Variants in AMELX observed in about 807,000 individuals in gnomAD.
AMELX encodes the protein amelogenin, X isoform.
Under a neutral mutation model 15.8 loss-of-function variants are expected in AMELX, and 9 were observed. That is an observed-to-expected ratio of 0.57 (90% CI 0.34 to 0.99). The LOEUF is 0.99. Ranked by LOEUF, AMELX falls within the 50% of genes least tolerant of loss-of-function variation. The pLI, the probability that AMELX is intolerant of heterozygous loss-of-function variation, is 0.02. For synonymous variants in AMELX, 61 were observed against 58.8 expected (o/e 1.04, Z -0.17); for missense variants, 107 against 156.2 (o/e 0.68, Z 1.68).
At chrX:11,304,126 G>C (rs937536155), downstream of AMELX, among the ~76,000 whole-genome samples, 3 of 109,566 alleles carry the variant, frequency 2.7e-5, no homozygotes, top group Non-Finnish European at 3.8e-5. Flanking sequence ...GTCTTGCTCT[G>C]TCACCCAGGC....
Position 11,298,242 on chromosome X carries a change from AC to A in AMELX, c.113del (p.Pro38LeufsTer2), listed in dbSNP as rs387906487. 14 of 1,211,248 alleles carry A rather than the reference AC, an allele frequency of 1.2e-5. No homozygotes were observed. Among genetic ancestry groups the A allele is most frequent in the Non-Finnish European group, 1.6e-5 (14 of 895,183 alleles). The stretch of plus-strand genomic sequence containing the variant: ...AATATCTTTTTCTCTTAAGGTGCTT[AC>A]CCCTTTGAAGTGGTACCAGAGCATA... ...GYINFSYEVLTPLKWYQSIRP... is the reference protein window; with the variant it reads ...GYINFSYEVLXPLKWYQSIRP... On this transcript the variant is annotated frameshift_variant, in exon 4 of 6. Coordinates refer to ENST00000380714, the MANE Select transcript of AMELX (RefSeq NM_001142.2). LOFTEE classifies it high-confidence loss of function.
the AMELX span, among the ~76,000 whole-genome samples, chrX:11,308,556 T>C: frequency 9.0e-6 from 1 of 111,539 alleles, no homozygotes; most frequent in African/African-American, 3.3e-5. Flanking sequence ...TTCATCATAC[T>C]AAGGAAAAGG....
At chrX:11,296,131 T>C (rs1418804754) in intron 2 of AMELX, among the ~76,000 whole-genome samples, 2 of 112,773 alleles carry the variant, frequency 1.8e-5, no homozygotes, top group Non-Finnish European at 3.7e-5. Context: ...GGATTTATAA[T>C]GTTTCCACTT....
At chrX:11,302,046 T>C (rs1391137152), downstream of AMELX, among the ~76,000 whole-genome samples, 1 of 112,443 alleles carries the variant, frequency 8.9e-6, no homozygotes, top group Non-Finnish European at 1.9e-5. Flanking sequence ...ATACATTAAC[T>C]GGTAATTATA....
the AMELX span, among the ~76,000 whole-genome samples, chrX:11,307,673 T>A: frequency 8.9e-6 from 1 of 112,637 alleles, no homozygotes; most frequent in Admixed American, 9.4e-5. Flanking sequence ...GAGACAATTC[T>A]CAATTTTTAA....
chrX:11,300,803 T>C, downstream of AMELX: 1 of 426,824 alleles, frequency 2.3e-6, no homozygotes, highest in Non-Finnish European at 4.2e-6. Context: ...TTTCCTATCA[T>C]TTGAGATGAT....
downstream of AMELX, among the ~76,000 whole-genome samples, chrX:11,301,131 A>G (rs1289810427): frequency 1.8e-5 from 2 of 111,808 alleles, no homozygotes; most frequent in Non-Finnish European, 3.8e-5. Flanking sequence ...CACTGGCTTT[A>G]CACTTCACAC....
rs756431625 is a variant in AMELX, at chrX:11,294,862, C to T, written c.54+20C>T. The T allele has an allele frequency of 2.2e-5, 26 of 1,208,608 alleles. No homozygotes were observed. In the South Asian group the frequency reaches 3.9e-4, roughly 18 times the overall value. ...ATGCCTGTGAGTAAAACACCCCTTG[C>T]ATAAGTCAGTGTCCAATTTCACAAA... is the stretch of plus-strand genomic sequence containing the variant. On this transcript the variant is annotated intron_variant, in intron 2 of 5. Transcript: ENST00000380714.
chrX:11,294,197 A>G, intron 1 of AMELX, among the ~76,000 whole-genome samples: 1 of 112,488 alleles, frequency 8.9e-6, no homozygotes, highest in Non-Finnish European at 1.9e-5. Context: ...TTGCTCCACA[A>G]TCTGGAGCTC....
At position 11,298,277 on chromosome X, in the gene AMELX, G is replaced by A. The variant is rs149068672; in HGVS notation, c.144G>A (p.Pro48=). 6.6e-6 allele frequency: 8 copies of A among 1,207,875 alleles called. No homozygotes were observed. The African/African-American group carries it at 8.8e-5, about 13-fold the overall frequency. The change falls in exon 4 of 6, where the codon CCG becomes CCA. Residue 48 remains proline (P), a splice_region_variant and synonymous_variant. Transcript: ENST00000380714. ...PLKWYQSIRP[P]YPSYGYEPMG... ...AGTGGTACCAGAGCATAAGGCCACC[G>A]GTATGTAGACATTTTGTTCCTTATT...
At chrX:11,294,935 C>A in intron 2 of AMELX, 93 bp downstream of exon 2, 1 of 956,244 alleles carries the variant, frequency 1.0e-6, no homozygotes, top group Non-Finnish European at 1.5e-6. Context: ...GGGTTTAAAA[C>A]AGTATGAGAT....
downstream of AMELX, among the ~76,000 whole-genome samples, chrX:11,301,529 C>G (rs2048175243): frequency 9.0e-6 from 1 of 111,723 alleles, no homozygotes; most frequent in Admixed American, 9.5e-5. Context: ...ATTCCAGTAC[C>G]TTTATGATTA....
intron 4 of AMELX, 50 bp from the exon 5 acceptor site, chrX:11,298,498 G>A: frequency 2.5e-6 from 3 of 1,203,150 alleles, no homozygotes; most frequent in Non-Finnish European, 3.4e-6. Flanking sequence ...TGCTTCTCTG[G>A]TTGGAGTCAC....
chrX:11,299,480 C>T (rs1278817611), intron 5 of AMELX, among the ~76,000 whole-genome samples: 1 of 111,875 alleles, frequency 8.9e-6, no homozygotes, highest in Non-Finnish European at 1.9e-5. Context: ...CAGTAGTTTT[C>T]AATCTAACTT....
At chrX:11,297,089 G>A (rs1019321915) in intron 3 of AMELX, among the ~76,000 whole-genome samples, 3 of 111,538 alleles carry the variant, frequency 2.7e-5, no homozygotes, top group African/African-American at 9.8e-5. Flanking sequence ...CACTACTCAG[G>A]GAGGCTCCAT....
At chrX:11,296,444 G>A (rs1308890879) in intron 2 of AMELX, among the ~76,000 whole-genome samples, 1 of 111,490 alleles carries the variant, frequency 9.0e-6, no homozygotes, top group South Asian at 3.8e-4. Flanking sequence ...AACACTGGGC[G>A]TGGGGGTGGG....
chrX:11,295,290 T>C (rs1278774376), intron 2 of AMELX, among the ~76,000 whole-genome samples: 1 of 111,270 alleles, frequency 9.0e-6, no homozygotes, highest in Non-Finnish European at 1.9e-5. Flanking sequence ...ATATTGCTGC[T>C]CTTACCCCTC....
rs1480930655 is a variant in AMELX, at chrX:11,299,780, T to C, written c.570+807T>C. ...TACTGAGAAGAAGAGAGAAGTGAGG[T>C]GGAAATGACCAGGATAAGAAGCCAG... On this transcript the variant is annotated intron_variant, in intron 5 of 5. Coordinates refer to ENST00000380714, the MANE Select transcript of AMELX (RefSeq NM_001142.2). 5.4e-5 allele frequency among the ~76,000 whole-genome samples: 6 copies of C among 111,562 alleles called. No homozygotes were observed. The Admixed American group carries it at 5.7e-4, about 11-fold the overall frequency.
chrX:11,300,733 T>TA lies in AMELX; in HGVS notation c.*122dup, dbSNP rs2048163373. 2 of 663,759 alleles carry TA rather than the reference T, an allele frequency of 3.0e-6. No homozygotes were observed. Among genetic ancestry groups the TA allele is most frequent in the Non-Finnish European group, 4.8e-6 (2 of 419,081 alleles). The allele number at this position is 663,759 out of a possible 1,213,427, so 54.7% of individuals were successfully genotyped here. A position where few individuals can be genotyped will look rare whatever the true frequency, so the allele number is the denominator to read the frequency against. On this transcript the variant is annotated 3_prime_UTR_variant, in exon 6 of 6. Transcript: ENST00000380714. ...AATTCTGTAACTAAAAAAGTACCAT[T>TA]AGCAGACAATAAAATGCATTAAAAA...
Sources: gnomAD v4.1 joint callset for allele counts (sites outside exome capture counted in the v4.1 genomes callset) on GRCh38, gnomAD v4.1.1 for gene constraint, MANE v1.5 for transcripts, NCBI Gene and HGNC (gene_info 2026-07-23, HGNC 2026-07-21) for gene names.